The following SYN3 variants were observed in gnomAD, a reference collection of about 807,000 sequenced individuals.
SYN3 encodes the protein synapsin-3.
In SYN3, 35 loss-of-function variants were observed where a neutral mutation model predicts 65.8. The ratio of observed to expected loss-of-function variants is 0.53; its 90% CI spans 0.41 to 0.70. SYN3 has a LOEUF of 0.70. Among genes scored for constraint, SYN3 ranks in the 30% least tolerant of loss-of-function variants. The pLI, the probability that SYN3 is intolerant of heterozygous loss-of-function variation, is 0.00. For missense variants in SYN3, 680 were observed against 749.0 expected, an observed-to-expected ratio of 0.91 and a Z score of 1.08; for synonymous variants, 270 against 292.9, an observed-to-expected ratio of 0.92 and a Z score of 0.80.
intron 4 of SYN3, among the ~76,000 whole-genome samples, chr22:32,890,412 G>A (rs774965962): frequency 1.1e-3 from 168 of 151,040 alleles, no homozygotes; most frequent in African/African-American, 2.7e-3. Context: ...ACAGAGTCTC[G>A]CTCTGTCACC....
chr22:32,993,238 T>A (rs1033337892), intron 2 of SYN3, among the ~76,000 whole-genome samples: 10 of 152,116 alleles, frequency 6.6e-5, no homozygotes, highest in Non-Finnish European at 1.2e-4. Flanking sequence ...CCTAGATCTG[T>A]GGAGGGGCCC....
At chr22:32,881,504 G>A (rs780268423) in intron 4 of SYN3, among the ~76,000 whole-genome samples, 10 of 152,144 alleles carry the variant, frequency 6.6e-5, no homozygotes, top group Non-Finnish European at 1.3e-4. Flanking sequence ...GCAAGACTGA[G>A]AAGCTGGGCC....
At chr22:32,721,074 G>A (rs944324201) in intron 6 of SYN3, among the ~76,000 whole-genome samples, 1 of 152,224 alleles carries the variant, frequency 6.6e-6, no homozygotes, top group East Asian at 1.9e-4. Flanking sequence ...CTCATTAGCT[G>A]TACTTTTGCT....
In SYN3 at chr22:32,510,855, C is replaced by T. The variant is rs1891970220; in HGVS notation, c.*2837G>A. Among the ~76,000 whole-genome samples, 3 of 151,922 alleles carry T rather than the reference C, an allele frequency of 2.0e-5. No homozygotes were observed. Among genetic ancestry groups the T allele is most frequent in the Admixed American group, 2.0e-4 (3 of 15,250 alleles). ...TCATCGTGTGACTTATACTAGTGAT[C>T]CCTATCTTCTTGGGGGCAAGTGGGG... On this transcript the variant is annotated 3_prime_UTR_variant, in exon 14 of 14. Transcript: ENST00000358763.
At chr22:32,889,806 C>G (rs1014503955) in intron 4 of SYN3, among the ~76,000 whole-genome samples, 1 of 151,750 alleles carries the variant, frequency 6.6e-6, no homozygotes, top group East Asian at 1.9e-4. Context: ...GGGGAAAATG[C>G]CTTTATATCT....
At chr22:32,658,115 G>C (rs1048410328) in intron 6 of SYN3, among the ~76,000 whole-genome samples, 2 of 152,216 alleles carry the variant, frequency 1.3e-5, no homozygotes, top group Non-Finnish European at 2.9e-5. Flanking sequence ...GGGTGGGCCG[G>C]GAGTCGGGAG....
At chr22:32,882,342 G>C (rs1209023059) in intron 4 of SYN3, among the ~76,000 whole-genome samples, 1 of 152,172 alleles carries the variant, frequency 6.6e-6, no homozygotes, top group Non-Finnish European at 1.5e-5. Flanking sequence ...CATCAGTGCA[G>C]GGAAGGGTGT....
chr22:32,912,806 GT>G (rs1419707176), intron 4 of SYN3, among the ~76,000 whole-genome samples: 2 of 152,168 alleles, frequency 1.3e-5, no homozygotes, highest in Non-Finnish European at 2.9e-5. Context: ...ACTAGACGAA[GT>G]TTGTGAAAAG....
Position 32,510,391 on chromosome 22 carries a change from C to G in SYN3, c.*3301G>C, listed in dbSNP as rs1225010388. Among the ~76,000 whole-genome samples, 1 of 152,190 alleles carries G rather than the reference C, an allele frequency of 6.6e-6. No individual in the cohort carries two copies. The highest frequency in any genetic ancestry group is 1.5e-5 in the Non-Finnish European group (1 of 68,028). On this transcript the variant is annotated 3_prime_UTR_variant, in exon 14 of 14. Transcript: ENST00000358763. ...TGGCCGTGGCCCACAGGTTGAGAAA[C>G]TTTGTCCAGCCTATTACCATTCAGT...
At chr22:32,841,581 T>A (rs900668044) in intron 6 of SYN3, among the ~76,000 whole-genome samples, 2 of 152,032 alleles carry the variant, frequency 1.3e-5, no homozygotes, top group African/African-American at 4.8e-5. Flanking sequence ...ATTTGAGATG[T>A]TTTATTAGGC....
chr22:33,033,114 G>A (rs1238860245), intron 1 of SYN3, among the ~76,000 whole-genome samples: 3 of 144,928 alleles, frequency 2.1e-5, no homozygotes, highest in Non-Finnish European at 4.6e-5. Flanking sequence ...CCAAGTAGCT[G>A]GGACTACAGG....
At position 32,801,179 on chromosome 22, in the gene SYN3, G is replaced by C. The variant is rs2046562509; in HGVS notation, c.711+63736C>G. Among the ~76,000 whole-genome samples the C allele has an allele frequency of 6.6e-6, 1 of 152,232 alleles. No individual in the cohort carries two copies. The highest frequency in any genetic ancestry group is 2.4e-5 in the African/African-American group (1 of 41,464). ...TCCCAGAGAGTAAGAACCAGAGAGA[G>C]AGAGAAAGAGAGAGAGTTTGGGTCT... On this transcript the variant is annotated intron_variant, in intron 6 of 13. Coordinates refer to ENST00000358763, the MANE Select transcript of SYN3 (RefSeq NM_003490.4). The surrounding 1 kb of genome is among the most constrained non-coding windows in gnomAD (Gnocchi z 4.7).
At chr22:32,991,855 C>T (rs1240471587) in intron 2 of SYN3, among the ~76,000 whole-genome samples, 7 of 152,334 alleles carry the variant, frequency 4.6e-5, no homozygotes, top group African/African-American at 1.4e-4. Context: ...CTCCTGCCAC[C>T]ACAGATGGCC....
chr22:33,027,853 C>A (rs2053665863), intron 1 of SYN3, among the ~76,000 whole-genome samples: 1 of 152,198 alleles, frequency 6.6e-6, no homozygotes, highest in Non-Finnish European at 1.5e-5. Flanking sequence ...AACTTCATTT[C>A]ATCAGTGAAG....
In SYN3 at chr22:32,890,013, T is replaced by TA. The variant is rs751260864; in HGVS notation, c.462-20889dup. On this transcript the variant is annotated intron_variant, in intron 4 of 13. Transcript: ENST00000358763. ...ATTGATCTTTAATTTTTTTTTATCC[T>TA]AAAAAAAAATTTCGTGGTTTCCTCC... Among the ~76,000 whole-genome samples the TA allele has an allele frequency of 1.4e-3, 204 of 143,278 alleles. 1 individual carries two copies. The highest frequency in any genetic ancestry group is 3.2e-3 in the Admixed American group (45 of 14,118). The allele number at this position is 143,278 out of a possible 152,430, so 94.0% of individuals were successfully genotyped here. A position where few individuals can be genotyped will look rare whatever the true frequency, so the allele number is the denominator to read the frequency against.
rs974172056 is a variant in SYN3 at position 33,042,356 on chromosome 22, C to T, written c.-163+15936G>A. ...AGACCCACCTGTCTACAGCACCTCT[C>T]TCTAAACCTTACAAAAAGAAGCAAA... On this transcript the variant is annotated intron_variant, in intron 1 of 13. Coordinates refer to ENST00000358763, the MANE Select transcript of SYN3 (RefSeq NM_003490.4). 5.3e-5 allele frequency among the ~76,000 whole-genome samples: 8 copies of T among 152,232 alleles called. No individual in the cohort carries two copies. In the East Asian group the frequency reaches 1.2e-3, roughly 22 times the overall value.
intron 1 of SYN3, among the ~76,000 whole-genome samples, chr22:33,010,187 G>T (rs538414565): frequency 2.0e-5 from 3 of 151,152 alleles, no homozygotes; most frequent in Non-Finnish European, 4.4e-5. Context: ...AGCCAGGATC[G>T]CATCATTGCA....
chr22:32,697,952 T>C (rs1194948221), intron 6 of SYN3, among the ~76,000 whole-genome samples: 1 of 152,090 alleles, frequency 6.6e-6, no homozygotes, highest in Non-Finnish European at 1.5e-5. Context: ...GGAGCAGAGC[T>C]GAGATGCCCA....
intron 6 of SYN3, among the ~76,000 whole-genome samples, chr22:32,774,869 G>T (rs1406766714): frequency 6.6e-6 from 1 of 152,154 alleles, no homozygotes; most frequent in Non-Finnish European, 1.5e-5. Flanking sequence ...ACTTTTAAAT[G>T]AGCAGAGTGT....
Sources: gnomAD v4.1 joint callset for allele counts (sites outside exome capture counted in the v4.1 genomes callset) on GRCh38, gnomAD v4.1.1 for gene constraint, Gnocchi (gnomAD v3.1) non-coding constraint, MANE v1.5 for transcripts, NCBI Gene and HGNC (gene_info 2026-07-23, HGNC 2026-07-21) for gene names.